The following SYNPR variants were observed in gnomAD, a reference collection of about 807,000 sequenced individuals.
SYNPR encodes synaptoporin.
In SYNPR, 23 loss-of-function variants were observed where a neutral mutation model predicts 32.9. The ratio of observed to expected loss-of-function variants is 0.70; its 90% CI spans 0.50 to 0.99. The LOEUF (loss-of-function observed/expected upper bound fraction) is 0.99. Ranked by LOEUF, SYNPR falls within the 50% of genes least tolerant of loss-of-function variation. The pLI is 0.00. For missense variants in SYNPR, 318 were observed against 349.3 expected (o/e 0.91, Z 0.71); for synonymous variants, 146 against 135.9 (o/e 1.07, Z -0.52).
At chr3:63,249,372 T>A (rs924654096) in intron 1 of SYNPR, among the ~76,000 whole-genome samples, 3 of 152,146 alleles carry the variant, frequency 2.0e-5, no homozygotes, top group Admixed American at 2.0e-4. Flanking sequence ...GATGTGGTGA[T>A]ATTCATCAAT....
At chr3:63,386,054 G>C (rs2088039446) in intron 2 of SYNPR, among the ~76,000 whole-genome samples, 1 of 152,116 alleles carries the variant, frequency 6.6e-6, no homozygotes, top group Admixed American at 6.5e-5. Context: ...ACACAAACTG[G>C]GTCCCAGTAA....
intron 2 of SYNPR, among the ~76,000 whole-genome samples, chr3:63,308,644 T>C (rs1330953578): frequency 6.6e-6 from 1 of 152,014 alleles, no homozygotes; most frequent in African/African-American, 2.4e-5. Flanking sequence ...TCCACTGTCT[T>C]GTTACTTGCA....
chr3:63,564,311 C>T (rs1702747345), intron 4 of SYNPR, among the ~76,000 whole-genome samples: 1 of 151,878 alleles, frequency 6.6e-6, no homozygotes, highest in Non-Finnish European at 1.5e-5. Context: ...ATTCTCCTGC[C>T]TCAGCCTCCC....
chr3:63,467,178 C>T (rs74891817), intron 2 of SYNPR, among the ~76,000 whole-genome samples: 12,114 of 151,914 alleles, frequency 0.08, 1,377 homozygotes, highest in African/African-American at 0.25. Context: ...GCTGAGCTAA[C>T]TTACTTTATT....
intron 3 of SYNPR, among the ~76,000 whole-genome samples, chr3:63,491,042 G>C (rs1416681585): frequency 2.0e-5 from 3 of 152,100 alleles, no homozygotes; most frequent in Non-Finnish European, 4.4e-5. Context: ...GGGGTTACAG[G>C]TGGAGCCACT....
chr3:63,539,489 A>T (rs1702263354), intron 3 of SYNPR, among the ~76,000 whole-genome samples: 1 of 152,158 alleles, frequency 6.6e-6, no homozygotes, highest in Non-Finnish European at 1.5e-5. Context: ...AACATCAGTT[A>T]TTCAGCAAGT....
intron 2 of SYNPR, among the ~76,000 whole-genome samples, chr3:63,473,828 G>A (rs771571692): frequency 4.6e-5 from 7 of 152,264 alleles, no homozygotes; most frequent in South Asian, 4.2e-4. Context: ...ACTAGAATGC[G>A]GTAAGCTAGA....
At chr3:63,391,565 T>C (rs1157125529) in intron 2 of SYNPR, among the ~76,000 whole-genome samples, 1 of 152,200 alleles carries the variant, frequency 6.6e-6, no homozygotes, top group African/African-American at 2.4e-5. Flanking sequence ...ACAAAATATA[T>C]ACATGTATGA....
At chr3:63,473,710 AC>A (rs1700846925) in intron 2 of SYNPR, among the ~76,000 whole-genome samples, 1 of 151,948 alleles carries the variant, frequency 6.6e-6, no homozygotes, top group Non-Finnish European at 1.5e-5. Flanking sequence ...ATGAGAAGAA[AC>A]CCTTCGTGCA....
intron 3 of SYNPR, among the ~76,000 whole-genome samples, chr3:63,497,561 T>A (rs1266026146): frequency 6.6e-6 from 1 of 150,820 alleles, no homozygotes; most frequent in Admixed American, 6.6e-5. Context: ...TGTTTTTTTT[T>A]TTTTCTTGTC....
At position 63,390,702 on chromosome 3, in the gene SYNPR, T is replaced by G. The variant is rs146838120; in HGVS notation, c.85-90130T>G. Among the ~76,000 whole-genome samples the G allele has an allele frequency of 2.1e-3, 327 of 152,302 alleles. 6 individuals are homozygous for G. Among genetic ancestry groups the G allele is most frequent in the Admixed American group, 0.017 (267 of 15,296 alleles). On this transcript the variant is annotated intron_variant, in intron 2 of 5. Transcript: ENST00000478300. Reference sequence around the variant, plus strand: ...CTCTGGCTCCAGGCTAACCGATTATTTTTTTTAACTGTCTTAAAAATGCAC... The same window carrying G: ...CTCTGGCTCCAGGCTAACCGATTATGTTTTTTAACTGTCTTAAAAATGCAC...
intron 2 of SYNPR, among the ~76,000 whole-genome samples, chr3:63,344,406 C>G (rs2087409776): frequency 6.6e-6 from 1 of 151,662 alleles, no homozygotes; most frequent in Non-Finnish European, 1.5e-5. Flanking sequence ...ATATAAAGGT[C>G]CAGGAACAAA....
chr3:63,588,079 T>C (rs1344171559), intron 4 of SYNPR, among the ~76,000 whole-genome samples: 1 of 152,122 alleles, frequency 6.6e-6, no homozygotes, highest in African/African-American at 2.4e-5. Flanking sequence ...TTCTATTATC[T>C]GCCATTGTAT....
chr3:63,271,927 T>C (rs556983425), intron 3 of SYNPR, among the ~76,000 whole-genome samples: 112 of 152,006 alleles, frequency 7.4e-4, no homozygotes, highest in African/African-American at 2.6e-3. Flanking sequence ...CCAAGGAAAA[T>C]TCCCAGATCA....
intron 2 of SYNPR, among the ~76,000 whole-genome samples, chr3:63,376,127 T>C (rs1032229681): frequency 1.2e-4 from 19 of 152,190 alleles, no homozygotes; most frequent in Admixed American, 3.9e-4. Context: ...TATTTCTCTG[T>C]GTGTTCACTA....
chr3:63,331,211 C>A (rs2087226951), intron 2 of SYNPR, among the ~76,000 whole-genome samples: 1 of 152,182 alleles, frequency 6.6e-6, no homozygotes, highest in South Asian at 2.1e-4. Flanking sequence ...CTGATCCAGG[C>A]AACCTTAAAA....
chr3:63,581,058 C>A (rs1703080859), intron 4 of SYNPR, among the ~76,000 whole-genome samples: 2 of 152,194 alleles, frequency 1.3e-5, no homozygotes, highest in East Asian at 1.9e-4. Context: ...TAACAATTAA[C>A]CCCTGTACTC....
Position 63,354,000 on chromosome 3 carries a change from G to C in SYNPR, c.84+75258G>C, listed in dbSNP as rs115629225. Among the ~76,000 whole-genome samples, 996 of 152,196 alleles carry C rather than the reference G, an allele frequency of 6.5e-3. 10 individuals carry two copies. Among genetic ancestry groups the C allele is most frequent in the African/African-American group, 0.021 (873 of 41,522 alleles). Reference sequence around the variant, plus strand: ...ACAGATTCTGAAATCTGGCTGTCTGGGTTCATATCCCAGCTCTGACACTTA... The same window carrying C: ...ACAGATTCTGAAATCTGGCTGTCTGCGTTCATATCCCAGCTCTGACACTTA... On this transcript the variant is annotated intron_variant, in intron 2 of 5. Coordinates refer to ENST00000478300, the MANE Select transcript of SYNPR (RefSeq NM_001130003.2).
At chr3:63,579,310 T>C (rs1703048216) in intron 4 of SYNPR, among the ~76,000 whole-genome samples, 1 of 152,116 alleles carries the variant, frequency 6.6e-6, no homozygotes, top group Non-Finnish European at 1.5e-5. Context: ...GGAAGGCTCT[T>C]CCCCAGATAT....
Sources: allele counts gnomAD v4.1 joint callset (sites outside exome capture counted in the v4.1 genomes callset), GRCh38; gene constraint gnomAD v4.1.1; transcripts MANE v1.5; gene names NCBI Gene and HGNC (gene_info 2026-07-23, HGNC 2026-07-21).